Variants in DSCAM observed in about 807,000 individuals in gnomAD.
DSCAM encodes the protein DS cell adhesion molecule.
In DSCAM, 47 loss-of-function variants were observed where a neutral mutation model predicts 217.7. The observed-to-expected ratio is 0.22, with a 90% CI of 0.17 to 0.28. The LOEUF (loss-of-function observed/expected upper bound fraction) is 0.28. DSCAM is among the 10% of genes least tolerant of loss of function. The pLI is 1.00. For missense variants in DSCAM, 2,080 were observed against 2,618.3 expected, an observed-to-expected ratio of 0.79 and a Z score of 4.49; for synonymous variants, 1,056 against 1,015.3, an observed-to-expected ratio of 1.04 and a Z score of -0.76.
intron 8 of DSCAM, among the ~76,000 whole-genome samples, chr21:40,321,517 C>T (rs2074259075): frequency 6.6e-6 from 1 of 152,056 alleles, no homozygotes; most frequent in African/African-American, 2.4e-5. Context: ...TTGTCTACTC[C>T]AATTCTCAAC....
chr21:40,652,065 T>C (rs1401821500), intron 3 of DSCAM, among the ~76,000 whole-genome samples: 3 of 151,658 alleles, frequency 2.0e-5, no homozygotes, highest in Non-Finnish European at 2.9e-5. Flanking sequence ...AGGTAAAAGA[T>C]TATAAAGGAG....
chr21:40,386,963 CT>C (rs962061592), intron 3 of DSCAM, among the ~76,000 whole-genome samples: 3 of 151,850 alleles, frequency 2.0e-5, no homozygotes, highest in Admixed American at 6.6e-5. Flanking sequence ...TATTTGGAAC[CT>C]TATTTTTCCA....
intron 19 of DSCAM, among the ~76,000 whole-genome samples, chr21:40,132,103 T>C (rs921257368): frequency 2.9e-4 from 44 of 152,238 alleles, no homozygotes; most frequent in Non-Finnish European, 5.9e-5. Context: ...GACATTTGCA[T>C]TATTGCCTAG....
At chr21:40,172,505 G>T (rs146307306) in intron 15 of DSCAM, among the ~76,000 whole-genome samples, 1 of 152,288 alleles carries the variant, frequency 6.6e-6, no homozygotes, top group South Asian at 2.1e-4. Flanking sequence ...TCCTGGCTAC[G>T]CTGTCTCTGC....
intron 3 of DSCAM, among the ~76,000 whole-genome samples, chr21:40,480,466 A>G (rs2145985922): frequency 6.6e-6 from 1 of 152,352 alleles, no homozygotes; most frequent in African/African-American, 2.4e-5. Context: ...AGTTCTATGC[A>G]TAACACATTG....
intron 27 of DSCAM, among the ~76,000 whole-genome samples, chr21:40,071,471 A>G (rs1455491177): frequency 6.6e-6 from 1 of 152,232 alleles, no homozygotes; most frequent in African/African-American, 2.4e-5. Flanking sequence ...TTACTTGTCT[A>G]TACAGTAAAA....
chr21:40,229,922 G>A (rs1017878401), intron 11 of DSCAM, among the ~76,000 whole-genome samples: 15 of 152,164 alleles, frequency 9.9e-5, no homozygotes, highest in African/African-American at 2.7e-4. Flanking sequence ...AGAAACTGTC[G>A]AGCTGGCTCT....
chr21:40,422,202 T>G (rs188111064), intron 3 of DSCAM, among the ~76,000 whole-genome samples: 119 of 152,350 alleles, frequency 7.8e-4, no homozygotes, highest in African/African-American at 2.6e-3. Context: ...TCACTACCAG[T>G]CAGATGGAAC....
chr21:40,347,952 GT>G lies in DSCAM; in HGVS notation c.935-8del. ...ATGGTGGCTTTCAGTGGCTCTGGAG[GT>G]TTTAGTAAGAGAGAGAGAAAAAAGA... On this transcript the variant is annotated splice_polypyrimidine_tract_variant and splice_region_variant and intron_variant, in intron 5 of 32. Transcript: ENST00000400454. The G allele has an allele frequency of 4.4e-6, 7 of 1,607,750 alleles. No homozygotes were observed. The highest frequency in any genetic ancestry group is 6.0e-6 in the Non-Finnish European group (7 of 1,176,134).
At chr21:40,231,571 C>T (rs1340333664) in intron 11 of DSCAM, among the ~76,000 whole-genome samples, 5 of 149,240 alleles carry the variant, frequency 3.4e-5, no homozygotes, top group East Asian at 2.4e-4. Flanking sequence ...GGCATGATCA[C>T]GGCTCACTGT....
chr21:40,470,185 G>A (rs2075876516), intron 3 of DSCAM, among the ~76,000 whole-genome samples: 3 of 152,074 alleles, frequency 2.0e-5, no homozygotes, highest in African/African-American at 7.2e-5. Context: ...GGATGCAAAA[G>A]AAAAAAATTG....
intron 31 of DSCAM, among the ~76,000 whole-genome samples, chr21:40,043,087 C>T (rs1261806460): frequency 1.3e-5 from 2 of 152,188 alleles, no homozygotes; most frequent in Admixed American, 6.5e-5. Context: ...GCTTCTGGGG[C>T]CTCAGCTCAG....
chr21:40,712,147 T>C (rs1447185997), intron 1 of DSCAM, among the ~76,000 whole-genome samples: 1 of 152,208 alleles, frequency 6.6e-6, no homozygotes, highest in Non-Finnish European at 1.5e-5. Flanking sequence ...GCAATAATTA[T>C]TACATTGAAT....
At chr21:40,464,828 C>T (rs1407210925) in intron 3 of DSCAM, among the ~76,000 whole-genome samples, 2 of 151,742 alleles carry the variant, frequency 1.3e-5, no homozygotes, top group African/African-American at 4.8e-5. Context: ...GCAACCTCTG[C>T]CTCCCAGATC....
At chr21:40,664,116 C>A (rs1568971156) in intron 3 of DSCAM, among the ~76,000 whole-genome samples, 1 of 152,104 alleles carries the variant, frequency 6.6e-6, no homozygotes, top group African/African-American at 2.4e-5. Context: ...TAAGTGTCTC[C>A]CCTCTCCTGC....
intron 3 of DSCAM, among the ~76,000 whole-genome samples, chr21:40,604,130 T>A (rs1273861669): frequency 6.6e-6 from 1 of 152,066 alleles, no homozygotes; most frequent in Admixed American, 6.5e-5. Context: ...TTCCATTCAT[T>A]TTTTTTCTCT....
rs2073921865 is a variant in DSCAM, at chr21:40,293,705, C to G, written c.2182+2350G>C. Among the ~76,000 whole-genome samples, 3 of 152,040 alleles carry G rather than the reference C, an allele frequency of 2.0e-5. No individual in the cohort carries two copies. In the South Asian group the frequency reaches 6.2e-4, roughly 32 times the overall value. On this transcript the variant is annotated intron_variant, in intron 10 of 32. Coordinates refer to ENST00000400454, the MANE Select transcript of DSCAM (RefSeq NM_001389.5). ...GGCTTGGTGGTGTACACCTGTAATC[C>G]CAGCTACTACTTGGGAGGCTGAGGC...
chr21:40,130,831 T>C (rs536288968), intron 19 of DSCAM, among the ~76,000 whole-genome samples: 29 of 152,336 alleles, frequency 1.9e-4, no homozygotes, highest in African/African-American at 6.7e-4. Flanking sequence ...AATTTTGCCT[T>C]TATTAGGGTT....
intron 3 of DSCAM, chr21:40,621,137 A>T (rs958726074): frequency 6.6e-6 from 1 of 152,242 alleles, no homozygotes; most frequent in African/African-American, 2.4e-5. Context: ...CAGAAACATT[A>T]TCTGATTGTA....
Sources: gnomAD v4.1 joint callset for allele counts (sites outside exome capture counted in the v4.1 genomes callset) on GRCh38, gnomAD v4.1.1 for gene constraint, MANE v1.5 for transcripts, NCBI Gene and HGNC (gene_info 2026-07-23, HGNC 2026-07-21) for gene names.